CLCNKB: variants seen among roughly 807,000 people sequenced by gnomAD.
CLCNKB encodes chloride channel protein ClC-Kb.
A neutral mutation model predicts 83.8 loss-of-function variants in CLCNKB; 74 were observed. That is an observed-to-expected ratio of 0.88 (90% CI 0.73 to 1.07). The LOEUF (loss-of-function observed/expected upper bound fraction) is 1.07, where lower values mean the gene tolerates loss of function less well. CLCNKB is among the 50% of genes least tolerant of loss of function. The pLI, the probability that CLCNKB is intolerant of heterozygous loss-of-function variation, is 0.00. For missense variants in CLCNKB, 798 were observed against 893.6 expected (o/e 0.89, Z 1.36); for synonymous variants, 358 against 356.6 (o/e 1.00, Z -0.04).
chr1:16,048,939 T>A, intron 7 of CLCNKB, 181 bp from the exon 8 acceptor site: 1 of 1,480,968 alleles, frequency 6.8e-7, no homozygotes, highest in Non-Finnish European at 8.9e-7. Flanking sequence ...TGGACGGGTC[T>A]CTGGGCAGCG....
At chr1:16,045,118 G>A (rs2023061807) in intron 2 of CLCNKB, among the ~76,000 whole-genome samples, 1 of 152,202 alleles carries the variant, frequency 6.6e-6, no homozygotes, top group Non-Finnish European at 1.5e-5. Flanking sequence ...AGCAGCCAGT[G>A]GGCCAGGAGC....
Position 16,045,701 on chromosome 1 carries a change from G to A in CLCNKB, c.229+15G>A. On this transcript the variant is annotated intron_variant, in intron 3 of 19. Transcript: ENST00000375679. ...TGTGGTCCGAGGTAACCCCTCCATG[G>A]CAGGTGCTGCTCTGGGCCAAGGGAT... is the stretch of plus-strand genomic sequence containing the variant. The A allele has an allele frequency of 6.2e-7, 1 of 1,610,646 alleles. No homozygotes were observed. The highest frequency in any genetic ancestry group is 8.5e-7 in the Non-Finnish European group (1 of 1,177,914).
At chr1:16,055,388 T>G in intron 16 of CLCNKB, 47 bp from the exon 17 acceptor site, 1 of 1,487,984 alleles carries the variant, frequency 6.7e-7, no homozygotes, top group East Asian at 2.3e-5. Flanking sequence ...TGTGAGTCCC[T>G]GTTTCCTCCT....
chr1:16,045,454 C>G, intron 2 of CLCNKB, 104 bp from the exon 3 acceptor site: 2 of 1,400,914 alleles, frequency 1.4e-6, no homozygotes, highest in South Asian at 1.2e-5. Flanking sequence ...CAAGCTCCAT[C>G]CCCCTGCCCC....
rs202203515 is a variant in CLCNKB, at chr1:16,049,582, G to C, written c.782-36G>C. On this transcript the variant is annotated intron_variant, in intron 8 of 19. Coordinates refer to ENST00000375679, the MANE Select transcript of CLCNKB (RefSeq NM_000085.5). ...GGACTTGAGTTTGGGTCGGGTGGGA[G>C]CGCCATCTTGGCTCCCCACTGCCCT... The C allele has an allele frequency of 6.0e-4, 914 of 1,513,076 alleles. 3 individuals carry two copies. Among genetic ancestry groups the C allele is most frequent in the African/African-American group, 1.1e-3 (78 of 73,008 alleles). The allele number at this position is 1,513,076 out of a possible 1,614,324, so 93.7% of individuals were successfully genotyped here.
intron 3 of CLCNKB, 97 bp downstream of exon 3, chr1:16,045,783 G>A (rs1017634078): frequency 4.0e-6 from 5 of 1,259,600 alleles, no homozygotes; most frequent in East Asian, 2.8e-5. Context: ...GGAGGTTGGG[G>A]GGGGTGCTCT....
Position 16,046,595 on chromosome 1 carries a change from C to T in CLCNKB, c.290C>T (p.Thr97Ile), listed in dbSNP as rs768956168. 1.2e-6 allele frequency: 2 copies of T among 1,614,154 alleles called. No individual in the cohort carries two copies. The highest frequency in any genetic ancestry group is 1.7e-6 in the Non-Finnish European group (2 of 1,180,006). The change falls in exon 4 of 20, where the codon ACT (threonine) becomes ATT (isoleucine). Residue 97 changes from threonine (T) to isoleucine (I), a missense_variant. Transcript: ENST00000375679. ...DSHLLRYLSWTVYPVALVSFS... is the reference protein window; with the variant it reads ...DSHLLRYLSWIVYPVALVSFS... The stretch of plus-strand genomic sequence containing the variant: ...CACCTGCTCCGGTATCTCTCCTGGA[C>T]TGTGTACCCTGTGGCCCTCGTCTCT...
intron 10 of CLCNKB, 46 bp from the exon 11 acceptor site, chr1:16,050,470 T>A (rs765987918): frequency 1.3e-6 from 2 of 1,588,148 alleles, no homozygotes; most frequent in Non-Finnish European, 1.7e-6. Context: ...CTCCTTGGGA[T>A]GTGGGAAAGG....
chr1:16,053,067 G>A (rs953133412), intron 15 of CLCNKB, among the ~76,000 whole-genome samples: 91 of 150,486 alleles, frequency 6.0e-4, no homozygotes, highest in African/African-American at 2.2e-3. Flanking sequence ...ATCTCACTCT[G>A]TTTCACAGGC....
Position 16,051,722 on chromosome 1 carries a change from G to A in CLCNKB, c.1310G>A (p.Gly437Glu). 6.2e-7 allele frequency: 1 copy of A among 1,613,944 alleles called. No individual in the cohort carries two copies. Among genetic ancestry groups the A allele is most frequent in the African/African-American group, 1.3e-5 (1 of 74,986 alleles). The change falls in exon 14 of 20, where the codon GGG becomes GAG. Residue 437 changes from glycine (G) to glutamate (E), a missense_variant. Gly to Glu is a moderately conservative substitution (Grantham distance 98). Coordinates refer to ENST00000375679, the MANE Select transcript of CLCNKB (RefSeq NM_000085.5). ...AGTCTGTGGCCAGGAGCTGCTATCG[G>A]GCGCCTCTTTGGGGAGACTCTCTCT... ...MPIFVYGAAI[G>E]RLFGETLSFI...
intron 16 of CLCNKB, 39 bp from the exon 17 acceptor site, chr1:16,055,396 C>T: frequency 6.5e-7 from 1 of 1,545,720 alleles, no homozygotes; most frequent in South Asian, 1.1e-5. Context: ...CCTGTTTCCT[C>T]CTAATGTGCC....
intron 10 of CLCNKB, 122 bp downstream of exon 10, chr1:16,050,038 C>T: frequency 1.5e-6 from 1 of 682,546 alleles, no homozygotes; most frequent in Admixed American, 2.5e-5. Flanking sequence ...GCCCATGCCC[C>T]ACATGTGGAG....
Position 16,054,322 on chromosome 1 carries a change from C to T in CLCNKB, c.1756+550C>T, listed in dbSNP as rs184207911. Among the ~76,000 whole-genome samples the T allele has an allele frequency of 2.0e-3, 298 of 152,280 alleles. 3 individuals are homozygous for T. Among genetic ancestry groups the T allele is most frequent in the African/African-American group, 7.0e-3 (290 of 41,558 alleles). ...TCAAGGCTGCTGTCAGCCCATGTGT[C>T]CCCCTGTGCAAGTGAGACAAGCTGC... On this transcript the variant is annotated intron_variant, in intron 16 of 19. Transcript: ENST00000375679.
intron 5 of CLCNKB, 68 bp from the exon 6 acceptor site, chr1:16,048,275 T>G (rs2023163902): frequency 6.3e-7 from 1 of 1,591,260 alleles, no homozygotes. Context: ...GGGGAAGCCG[T>G]GCTGACTCTG....
Position 16,048,002 on chromosome 1 carries a change from C to G in CLCNKB, c.456C>G (p.Ser152=), listed in dbSNP as rs1210014640. Residue 152 remains serine (S), a synonymous_variant, in exon 5 of 20, where the codon TCC becomes TCG. Coordinates refer to ENST00000375679, the MANE Select transcript of CLCNKB (RefSeq NM_000085.5). ...KNFGAKVVGL[S]CTLACGSTLF... ...TTGGGGCCAAAGTGGTGGGCCTCTC[C>G]TGCACCCTGGCCTGTGGCAGCACCC... 1 of 1,614,152 alleles carries G rather than the reference C, an allele frequency of 6.2e-7. No individual in the cohort carries two copies.
chr1:16,049,002 G>A lies in CLCNKB; in HGVS notation c.656-118G>A, dbSNP rs757792735. 3 of 1,600,192 alleles carry A rather than the reference G, an allele frequency of 1.9e-6. No individual in the cohort carries two copies. The South Asian group carries it at 3.3e-5, about 18-fold the overall frequency. On this transcript the variant is annotated intron_variant, in intron 7 of 19. Transcript: ENST00000375679. The stretch of plus-strand genomic sequence containing the variant: ...CTGCCCTCCCCTCCTGTCTGTCCCT[G>A]TCCGGGCTGCAGGAGAGCAGGACAG...
rs759602618 is a variant in CLCNKB at position 16,055,699 on chromosome 1, G to T, written c.1870G>T (p.Ala624Ser). The change falls in exon 18 of 20, where the codon GCA (alanine) becomes TCA (serine). Residue 624 changes from alanine to serine, a missense_variant. Transcript: ENST00000375679. ...GCAGTGTCTCCAGGACATCTTGGCT[G>T]CAGGCTGCCCCACAGAACCAGTGAC... is the stretch of plus-strand genomic sequence containing the variant. ...HQQCLQDILA[A>S]GCPTEPVTLK... is the part of the protein sequence containing the mutation. 9 of 1,613,754 alleles carry T rather than the reference G, an allele frequency of 5.6e-6. No homozygotes were observed. Among genetic ancestry groups the T allele is most frequent in the Non-Finnish European group, 7.6e-6 (9 of 1,180,030 alleles).
chr1:16,048,752 G>C (rs373871181), intron 7 of CLCNKB, 170 bp downstream of exon 7: 1 of 1,474,458 alleles, frequency 6.8e-7, no homozygotes, highest in African/African-American at 1.4e-5. Flanking sequence ...GAGGGGGGGC[G>C]GGTGACTTGA....
At chr1:16,053,586 C>G (rs1282145447) in intron 15 of CLCNKB, 53 bp from the exon 16 acceptor site, 1 of 1,613,198 alleles carries the variant, frequency 6.2e-7, no homozygotes, top group Admixed American at 1.7e-5. Context: ...CCCTGCCAGC[C>G]TGGGTCTCAC....
Sources: gnomAD v4.1 joint callset for allele counts (sites outside exome capture counted in the v4.1 genomes callset) on GRCh38, gnomAD v4.1.1 for gene constraint, MANE v1.5 for transcripts, NCBI Gene and HGNC (gene_info 2026-07-23, HGNC 2026-07-21) for gene names.